CDH13: variants seen among roughly 807,000 people sequenced by gnomAD.
CDH13 encodes cadherin-13.
In CDH13, 24 loss-of-function variants were observed where a neutral mutation model predicts 63.8. The ratio of observed to expected loss-of-function variants is 0.38; its 90% CI spans 0.27 to 0.53. The LOEUF is 0.53. Among genes scored for constraint, CDH13 ranks in the 20% least tolerant of loss-of-function variants. The pLI, the probability that CDH13 is intolerant of heterozygous loss-of-function variation, is 0.85. For synonymous variants in CDH13, 503 were observed against 355.3 expected, an observed-to-expected ratio of 1.42 and a Z score of -4.67; for missense variants, 1,049 against 903.1, an observed-to-expected ratio of 1.16 and a Z score of -2.07.
rs968753940 is a variant in CDH13 at position 83,627,761 on chromosome 16, C to T, written c.1101+25167C>T. Among the ~76,000 whole-genome samples the T allele has an allele frequency of 2.0e-5, 3 of 152,062 alleles. No individual in the cohort carries two copies. The South Asian group carries it at 6.2e-4, about 32-fold the overall frequency. On this transcript the variant is annotated intron_variant, in intron 8 of 13. Coordinates refer to ENST00000567109, the MANE Select transcript of CDH13 (RefSeq NM_001257.5). ...CAAGAGAGGGTTCTTGGATCTTACA[C>T]AAGAAAGAATTCGAGGCAAGTCCGT...
intron 5 of CDH13, among the ~76,000 whole-genome samples, chr16:83,284,217 C>T (rs2089253868): frequency 6.6e-6 from 1 of 152,140 alleles, no homozygotes; most frequent in African/African-American, 2.4e-5. Flanking sequence ...CTTTCGGCTT[C>T]TCACTTGGAT....
rs1227309786 is a variant in CDH13, at chr16:82,785,187, T to C, written c.46-73175T>C. ...TGAAACGGAGAGACATAAGATAGAT[T>C]GTTGAAATAGGAAGGGGAAGACATG... On this transcript the variant is annotated intron_variant, in intron 1 of 13. Coordinates refer to ENST00000567109, the MANE Select transcript of CDH13 (RefSeq NM_001257.5). Among the ~76,000 whole-genome samples the C allele has an allele frequency of 2.6e-5, 4 of 151,906 alleles. No homozygotes were observed. In the East Asian group the frequency reaches 7.7e-4, roughly 29 times the overall value.
chr16:83,231,503 T>C (rs998564986), intron 5 of CDH13, among the ~76,000 whole-genome samples: 10 of 152,192 alleles, frequency 6.6e-5, no homozygotes, highest in African/African-American at 1.9e-4. Context: ...ATGGTTGATG[T>C]GTTCCAGCAG....
intron 6 of CDH13, among the ~76,000 whole-genome samples, chr16:83,466,413 C>T (rs1362826276): frequency 6.6e-6 from 1 of 152,198 alleles, no homozygotes; most frequent in Non-Finnish European, 1.5e-5. Flanking sequence ...AGTCCAGCAA[C>T]AGAGGGCTGG....
intron 2 of CDH13, among the ~76,000 whole-genome samples, chr16:82,921,685 A>T (rs1338998451): frequency 6.6e-6 from 1 of 152,100 alleles, no homozygotes; most frequent in African/African-American, 2.4e-5. Flanking sequence ...TATATTCCTG[A>T]GAGATATTGG....
intron 1 of CDH13, among the ~76,000 whole-genome samples, chr16:82,715,559 T>A (rs1260611192): frequency 6.6e-6 from 1 of 152,164 alleles, no homozygotes; most frequent in Non-Finnish European, 1.5e-5. Flanking sequence ...GGTGAACTGG[T>A]GGGCTTTTCA....
chr16:83,210,006 G>C (rs2039295277), intron 4 of CDH13, among the ~76,000 whole-genome samples: 1 of 152,100 alleles, frequency 6.6e-6, no homozygotes, highest in African/African-American at 2.4e-5. Flanking sequence ...ACCCATCAAA[G>C]AAGAGCTCTG....
intron 5 of CDH13, among the ~76,000 whole-genome samples, chr16:83,326,799 G>C (rs2090372752): frequency 6.6e-6 from 1 of 152,196 alleles, no homozygotes; most frequent in Non-Finnish European, 1.5e-5. Context: ...AGAGTCTAGA[G>C]GTCCTATAAC....
intron 10 of CDH13, among the ~76,000 whole-genome samples, chr16:83,693,358 G>A (rs992281033): frequency 6.6e-6 from 1 of 152,180 alleles, no homozygotes; most frequent in Non-Finnish European, 1.5e-5. Flanking sequence ...TAACTGATTC[G>A]CATTTTTAGC....
intron 1 of CDH13, among the ~76,000 whole-genome samples, chr16:82,637,416 C>G (rs1259158900): frequency 2.2e-5 from 3 of 135,342 alleles, no homozygotes; most frequent in Non-Finnish European, 4.7e-5. Context: ...GAGGTCTGTA[C>G]AGTTACTGTG....
intron 2 of CDH13, among the ~76,000 whole-genome samples, chr16:82,940,253 C>T (rs1045070939): frequency 5.3e-5 from 8 of 152,152 alleles, no homozygotes; most frequent in African/African-American, 1.7e-4. Context: ...ATCCTGGTTC[C>T]GTCACTTGAA....
chr16:83,296,823 A>C (rs973526848), intron 5 of CDH13, among the ~76,000 whole-genome samples: 5 of 152,240 alleles, frequency 3.3e-5, no homozygotes, highest in Non-Finnish European at 5.9e-5. Context: ...TATGTAATGT[A>C]CATGGGTAAA....
intron 2 of CDH13, among the ~76,000 whole-genome samples, chr16:83,025,864 A>G (rs575465972): frequency 6.6e-6 from 1 of 152,168 alleles, no homozygotes; most frequent in African/African-American, 2.4e-5. Flanking sequence ...CTCTGTCTGC[A>G]TTAGATTAAT....
intron 5 of CDH13, among the ~76,000 whole-genome samples, chr16:83,339,210 G>A (rs2090668314): frequency 6.6e-6 from 1 of 152,170 alleles, no homozygotes; most frequent in Non-Finnish European, 1.5e-5. Flanking sequence ...GGTTTCATTT[G>A]AGGAAGAGAA....
At chr16:82,741,456 A>T (rs747914086) in intron 1 of CDH13, among the ~76,000 whole-genome samples, 1 of 152,218 alleles carries the variant, frequency 6.6e-6, no homozygotes, top group Non-Finnish European at 1.5e-5. Context: ...CATTTTATAC[A>T]TATGGCTATA....
chr16:82,858,549 G>T, intron 2 of CDH13, 76 bp downstream of exon 2: 1 of 930,728 alleles, frequency 1.1e-6, no homozygotes, highest in East Asian at 2.5e-5. Flanking sequence ...CTGTGTCTCA[G>T]GATGTGGTAT....
At chr16:83,220,670 AG>A (rs2039671008) in intron 5 of CDH13, among the ~76,000 whole-genome samples, 1 of 150,692 alleles carries the variant, frequency 6.6e-6, no homozygotes, top group African/African-American at 2.4e-5. Context: ...AAAAAGAAAA[AG>A]AAAAAAAAAA....
rs944023308 is a variant in CDH13, at chr16:83,798,207, A to G, written c.*3177A>G. 3 of 152,232 alleles carry G rather than the reference A, an allele frequency of 2.0e-5. No homozygotes were observed. The highest frequency in any genetic ancestry group is 4.4e-5 in the Non-Finnish European group (3 of 68,046). 9.4% of individuals were successfully genotyped at this position (152,232 alleles called of 1,614,324 possible). On this transcript the variant is annotated 3_prime_UTR_variant, in exon 14 of 14. Coordinates refer to ENST00000567109, the MANE Select transcript of CDH13 (RefSeq NM_001257.5). ...CATAGAGTAGCTCAAATTGCATTTT[A>G]CCCAAATAAATACACTGGGTCTTAA...
chr16:83,493,072 G>A (rs746273715), intron 7 of CDH13, among the ~76,000 whole-genome samples: 5 of 152,052 alleles, frequency 3.3e-5, no homozygotes, highest in Admixed American at 6.6e-5. Context: ...TCTAAACCTC[G>A]ATTTCTTCAT....
Sources: gnomAD v4.1 joint callset for allele counts (sites outside exome capture counted in the v4.1 genomes callset) on GRCh38, gnomAD v4.1.1 for gene constraint, MANE v1.5 for transcripts, NCBI Gene and HGNC (gene_info 2026-07-23, HGNC 2026-07-21) for gene names.